Variants in TRIO observed in about 807,000 individuals in gnomAD.
TRIO encodes trio Rho guanine nucleotide exchange factor, also known as triple functional domain protein.
A neutral mutation model predicts 351.9 loss-of-function variants in TRIO; 58 were observed. The observed-to-expected ratio is 0.16, with a 90% CI of 0.13 to 0.21. The LOEUF is 0.21. Ranked by LOEUF, TRIO falls within the 10% of genes least tolerant of loss-of-function variation. The pLI, the probability that TRIO is intolerant of heterozygous loss-of-function variation, is 1.00. For missense variants in TRIO, 3,201 were observed against 4,027.8 expected, an observed-to-expected ratio of 0.79 and a Z score of 5.56; for synonymous variants, 1,758 against 1,595.7, an observed-to-expected ratio of 1.10 and a Z score of -2.42.
At chr5:14,358,373 G>T (rs368617333) in intron 12 of TRIO, 26 bp downstream of exon 12, 8 of 1,609,278 alleles carry the variant, frequency 5.0e-6, no homozygotes, top group Admixed American at 1.7e-5. Context: ...CTCCTGGTCC[G>T]AACAGATTCT....
At chr5:14,507,302 C>A in intron 56 of TRIO, 42 bp downstream of exon 56, 1 of 1,605,112 alleles carries the variant, frequency 6.2e-7, no homozygotes, top group Non-Finnish European at 8.5e-7. Context: ...TCTGAGCACA[C>A]CGGCTTGGCC....
chr5:14,338,666 G>A (rs1579365357), intron 11 of TRIO, among the ~76,000 whole-genome samples: 1 of 152,236 alleles, frequency 6.6e-6, no homozygotes, highest in South Asian at 2.1e-4. Context: ...TGAGGGCAGG[G>A]ACCTGGGCAG....
intron 37 of TRIO, 38 bp from the exon 38 acceptor site, chr5:14,471,280 G>A (rs1754663784): frequency 6.2e-7 from 1 of 1,603,424 alleles, no homozygotes; most frequent in Non-Finnish European, 8.5e-7. Flanking sequence ...CATGGGCTGT[G>A]GGCAGTAAGT....
chr5:14,342,471 G>T (rs1742026662), intron 11 of TRIO, among the ~76,000 whole-genome samples: 2 of 152,206 alleles, frequency 1.3e-5, no homozygotes, highest in Admixed American at 6.5e-5. Flanking sequence ...CCAGTGCAGG[G>T]CCTGTCACTA....
In TRIO at chr5:14,508,010, C is replaced by T. The variant is rs1344382897; in HGVS notation, c.8882C>T (p.Pro2961Leu). ...CTGGGGAACCCTGAATTCGCAGCCCCTGAAATCATCCTCGGGAACCCTGTC... is the reference window on the plus strand; with the variant it reads ...CTGGGGAACCCTGAATTCGCAGCCCTTGAAATCATCCTCGGGAACCCTGTC... ...QLLGNPEFAA[P>L]EIILGNPVSL... The change falls in exon 57 of 57, where the codon CCT becomes CTT. Residue 2961 changes from proline to leucine, a missense_variant. Coordinates refer to ENST00000344204, the MANE Select transcript of TRIO (RefSeq NM_007118.4). 1 of 1,614,234 alleles carries T rather than the reference C, an allele frequency of 6.2e-7. No homozygotes were observed. Among genetic ancestry groups the T allele is most frequent in the Non-Finnish European group, 8.5e-7 (1 of 1,180,050 alleles).
intron 1 of TRIO, among the ~76,000 whole-genome samples, chr5:14,211,377 T>C (rs376614780): frequency 1.3e-5 from 2 of 152,380 alleles, no homozygotes; most frequent in East Asian, 1.9e-4. Flanking sequence ...ATAAAGCTCA[T>C]ATTTTTAAAT....
intron 21 of TRIO, 62 bp downstream of exon 21, chr5:14,381,314 C>A: frequency 6.5e-7 from 1 of 1,529,978 alleles, no homozygotes; most frequent in Non-Finnish European, 8.7e-7. Flanking sequence ...TCAAAAATAT[C>A]ATAAAGAAAT....
chr5:14,207,165 C>G (rs1234895864), intron 1 of TRIO, among the ~76,000 whole-genome samples: 1 of 151,852 alleles, frequency 6.6e-6, no homozygotes, highest in Non-Finnish European at 1.5e-5. Flanking sequence ...TAAGGTGGCT[C>G]ACACCTGTAA....
chr5:14,270,748 G>C (rs1795931940), intron 1 of TRIO, 77 bp from the exon 2 acceptor site: 2 of 1,084,724 alleles, frequency 1.8e-6, no homozygotes, highest in Non-Finnish European at 2.8e-6. Flanking sequence ...TGCTGTGTTG[G>C]CATTGGATAG....
intron 1 of TRIO, among the ~76,000 whole-genome samples, chr5:14,229,787 T>C (rs1793291379): frequency 6.6e-6 from 1 of 152,086 alleles, no homozygotes; most frequent in Non-Finnish European, 1.5e-5. Context: ...AAAGAAGAAA[T>C]GAAAGGAAAT....
intron 48 of TRIO, chr5:14,488,875 C>T: frequency 1.4e-6 from 1 of 735,860 alleles, no homozygotes; most frequent in South Asian, 1.4e-5. Flanking sequence ...CGAGGCGGCT[C>T]TGCAGTGCAG....
chr5:14,479,836 A>T (rs1186982767), intron 42 of TRIO, 83 bp from the exon 43 acceptor site: 6 of 1,228,954 alleles, frequency 4.9e-6, no homozygotes, highest in South Asian at 2.6e-5. Context: ...CCAGTGTTGT[A>T]GTCTTTCTGA....
At chr5:14,312,816 C>A (rs752439998) in intron 8 of TRIO, among the ~76,000 whole-genome samples, 8 of 152,186 alleles carry the variant, frequency 5.3e-5, no homozygotes, top group Non-Finnish European at 1.2e-4. Context: ...TCTCTTCTTT[C>A]ATTAATTTTC....
chr5:14,486,028 C>T (rs968835706), intron 47 of TRIO, among the ~76,000 whole-genome samples: 1 of 152,100 alleles, frequency 6.6e-6, no homozygotes, highest in Admixed American at 6.6e-5. Context: ...TCCCTGCTTC[C>T]GTGACTTGAG....
intron 15 of TRIO, among the ~76,000 whole-genome samples, chr5:14,365,855 G>A (rs1434199785): frequency 6.6e-6 from 1 of 152,128 alleles, no homozygotes; most frequent in African/African-American, 2.4e-5. Flanking sequence ...TGTAGCTCCA[G>A]CCATCACCTC....
chr5:14,241,447 G>C (rs898598407), intron 1 of TRIO, among the ~76,000 whole-genome samples: 1 of 152,136 alleles, frequency 6.6e-6, no homozygotes, highest in South Asian at 2.1e-4. Flanking sequence ...TAAGCTTTTC[G>C]TTATCAGATG....
In TRIO at chr5:14,492,638, T is replaced by C. The variant is rs1156520305; in HGVS notation, c.7704T>C (p.Asp2568=). Residue 2568 remains aspartate, a synonymous_variant, in exon 49 of 57, where the codon GAT becomes GAC. Transcript: ENST00000344204. ...ACGATTACACGGCAGTGAAGGAGGA[T>C]GAGATCAACGTCTACCAAGGAGAGG... ...VTHDYTAVKE[D]EINVYQGEVV... The C allele has an allele frequency of 2.5e-6, 4 of 1,610,450 alleles. No homozygotes were observed. Among genetic ancestry groups the C allele is most frequent in the African/African-American group, 1.3e-5 (1 of 74,868 alleles).
chr5:14,238,281 G>A (rs777135328), intron 1 of TRIO, among the ~76,000 whole-genome samples: 8 of 152,198 alleles, frequency 5.3e-5, no homozygotes, highest in Non-Finnish European at 1.2e-4. Flanking sequence ...GTGAAGAGAA[G>A]CATTCCATTG....
At chr5:14,185,757 T>C (rs1207930024) in intron 1 of TRIO, among the ~76,000 whole-genome samples, 2 of 152,226 alleles carry the variant, frequency 1.3e-5, no homozygotes, top group Non-Finnish European at 2.9e-5. Flanking sequence ...ATTTCTCTCA[T>C]TTGTAAAGTG....
Sources: gnomAD v4.1 joint callset for allele counts (sites outside exome capture counted in the v4.1 genomes callset) on GRCh38, gnomAD v4.1.1 for gene constraint, MANE v1.5 for transcripts, NCBI Gene and HGNC (gene_info 2026-07-23, HGNC 2026-07-21) for gene names.